Variants in LRRFIP1 observed in about 807,000 individuals in gnomAD.
LRRFIP1 encodes leucine-rich repeat flightless-interacting protein 1.
Under a neutral mutation model 104.4 loss-of-function variants are expected in LRRFIP1, and 62 were observed. The observed-to-expected ratio is 0.59, with a 90% confidence interval of 0.48 to 0.73. The LOEUF is 0.73. LRRFIP1 is among the 30% of genes least tolerant of loss of function. The pLI is 0.00. For synonymous variants in LRRFIP1, 300 were observed against 299.0 expected, an observed-to-expected ratio of 1.00 and a Z score of -0.03; for missense variants, 796 against 824.5, an observed-to-expected ratio of 0.97 and a Z score of 0.42.
intron 1 of LRRFIP1, among the ~76,000 whole-genome samples, chr2:237,678,199 T>TA: frequency 6.6e-6 from 1 of 152,252 alleles, no homozygotes; most frequent in Middle Eastern, 3.4e-3. Flanking sequence ...CCGGGTGCCT[T>TA]AAAAAAATAA....
At chr2:237,680,319 C>A (rs2091666205) in intron 1 of LRRFIP1, among the ~76,000 whole-genome samples, 1 of 152,076 alleles carries the variant, frequency 6.6e-6, no homozygotes, top group African/African-American at 2.4e-5. Context: ...CAGTGAGGCC[C>A]CATTGCAATA....
intron 17 of LRRFIP1, 81 bp from the exon 18 acceptor site, chr2:237,758,648 C>T (rs1291709781): frequency 5.5e-6 from 5 of 909,780 alleles, no homozygotes; most frequent in East Asian, 4.8e-5. Context: ...TGGTAGAAGC[C>T]TCCTTCTGGT....
chr2:237,634,154 T>A (rs2082770304), intron 1 of LRRFIP1, among the ~76,000 whole-genome samples: 2 of 152,192 alleles, frequency 1.3e-5, no homozygotes, highest in Admixed American at 1.3e-4. Flanking sequence ...CTTGTATCAC[T>A]CCGTAAAACC....
intron 1 of LRRFIP1, among the ~76,000 whole-genome samples, chr2:237,680,201 G>A (rs950982849): frequency 6.6e-6 from 1 of 152,218 alleles, no homozygotes; most frequent in African/African-American, 2.4e-5. Flanking sequence ...AAGGCTGGGT[G>A]CAGTGGCTGG....
At chr2:237,641,811 A>T (rs1276732414) in intron 1 of LRRFIP1, among the ~76,000 whole-genome samples, 2 of 152,214 alleles carry the variant, frequency 1.3e-5, no homozygotes, top group African/African-American at 4.8e-5. Context: ...AATATATTGT[A>T]CAGTTTTGTG....
At chr2:237,722,703 C>T (rs2094575469) in intron 6 of LRRFIP1, among the ~76,000 whole-genome samples, 1 of 152,160 alleles carries the variant, frequency 6.6e-6, no homozygotes, top group South Asian at 2.1e-4. Context: ...GAACTTGGAT[C>T]CTGGAGATGA....
At chr2:237,658,046 C>A (rs2087142406) in intron 1 of LRRFIP1, among the ~76,000 whole-genome samples, 1 of 152,106 alleles carries the variant, frequency 6.6e-6, no homozygotes, top group African/African-American at 2.4e-5. Flanking sequence ...AATCCTAAAA[C>A]CAAGGAGAAC....
chr2:237,738,049 A>G (rs541598145), intron 10 of LRRFIP1, among the ~76,000 whole-genome samples: 8 of 152,298 alleles, frequency 5.3e-5, no homozygotes, highest in South Asian at 2.1e-4. Context: ...TCATCTGGTC[A>G]CTAGCCCTGG....
At chr2:237,727,730 C>T (rs563766103) in intron 7 of LRRFIP1, 146 bp from the exon 8 acceptor site, 3 of 509,024 alleles carry the variant, frequency 5.9e-6, no homozygotes, top group African/African-American at 1.9e-5. Flanking sequence ...TTGGGAGCTG[C>T]CAGGACTTGT....
chr2:237,688,048 G>C (rs1024860097), intron 1 of LRRFIP1, among the ~76,000 whole-genome samples: 1 of 152,186 alleles, frequency 6.6e-6, no homozygotes, highest in African/African-American at 2.4e-5. Context: ...CTGGCCTTTC[G>C]TTCTTTTCTC....
intron 1 of LRRFIP1, among the ~76,000 whole-genome samples, chr2:237,706,196 G>A (rs2093796747): frequency 1.3e-5 from 2 of 152,130 alleles, no homozygotes; most frequent in African/African-American, 4.8e-5. Context: ...CACACAGTGG[G>A]AGAGGGGTAT....
chr2:237,732,676 C>T (rs1281423540), intron 8 of LRRFIP1, among the ~76,000 whole-genome samples: 3 of 152,126 alleles, frequency 2.0e-5, no homozygotes, highest in Non-Finnish European at 4.4e-5. Context: ...TTCAAAAACT[C>T]GAGTCCAAAA....
In LRRFIP1 at chr2:237,756,119, C is replaced by T; in HGVS notation, c.1063C>T (p.His355Tyr). Reference sequence around the variant, plus strand: ...GGAATTTGAAAGGGAAAAACACGCCCACAGTATACTGCAATTTCAGTTTGC... The same window carrying T: ...GGAATTTGAAAGGGAAAAACACGCCTACAGTATACTGCAATTTCAGTTTGC... ...NKEFEREKHA[H>Y]SILQFQFAEV... Residue 355 changes from histidine (H) to tyrosine (Y), a missense_variant, in exon 16 of 24, where the codon CAC becomes TAC. His to Tyr is a moderately conservative substitution (Grantham distance 83, BLOSUM62 2). Transcript: ENST00000308482. 6.2e-7 allele frequency: 1 copy of T among 1,613,688 alleles called. No individual in the cohort carries two copies. Among genetic ancestry groups the T allele is most frequent in the Non-Finnish European group, 8.5e-7 (1 of 1,179,798 alleles).
At chr2:237,664,885 C>T (rs2088884406) in intron 1 of LRRFIP1, among the ~76,000 whole-genome samples, 1 of 152,192 alleles carries the variant, frequency 6.6e-6, no homozygotes, top group African/African-American at 2.4e-5. Flanking sequence ...TTCCATCCTT[C>T]TTAATCTCGT....
chr2:237,638,220 G>A (rs1300910021), intron 1 of LRRFIP1, among the ~76,000 whole-genome samples: 2 of 152,304 alleles, frequency 1.3e-5, no homozygotes, highest in South Asian at 2.1e-4. Context: ...CCCATCTGGG[G>A]GTGATGGGAG....
At chr2:237,646,949 C>A (rs75000355) in intron 1 of LRRFIP1, among the ~76,000 whole-genome samples, 3 of 151,892 alleles carry the variant, frequency 2.0e-5, no homozygotes, top group Non-Finnish European at 4.4e-5. Flanking sequence ...AGAAAGGGGT[C>A]GCTTGCTGTA....
At chr2:237,768,132 A>G (rs977154872) in intron 19 of LRRFIP1, 1 of 152,222 alleles carries the variant, frequency 6.6e-6, no homozygotes. Context: ...TTTTAACGCT[A>G]CGAAAACTAG....
intron 16 of LRRFIP1, among the ~76,000 whole-genome samples, chr2:237,757,059 G>A (rs897940130): frequency 5.9e-5 from 9 of 151,558 alleles, no homozygotes; most frequent in Non-Finnish European, 8.8e-5. Flanking sequence ...TTCCAGAAAG[G>A]CTTGATTTTA....
intron 7 of LRRFIP1, among the ~76,000 whole-genome samples, chr2:237,727,112 C>T (rs1443815624): frequency 2.0e-5 from 3 of 152,128 alleles, no homozygotes; most frequent in Non-Finnish European, 2.9e-5. Context: ...AATCCCAGCA[C>T]TTTGGGAGGC....
Sources: gnomAD v4.1 joint callset for allele counts (sites outside exome capture counted in the v4.1 genomes callset) on GRCh38, gnomAD v4.1.1 for gene constraint, MANE v1.5 for transcripts, NCBI Gene and HGNC (gene_info 2026-07-23, HGNC 2026-07-21) for gene names.